Variants in STAU2 observed in about 807,000 individuals in gnomAD.
STAU2 encodes the protein double-stranded RNA-binding protein Staufen homolog 2.
STAU2 carries 20 observed loss-of-function variants against 65.9 expected under a neutral mutation model. That is an observed-to-expected ratio of 0.30 (90% CI 0.21 to 0.44). STAU2 has a LOEUF of 0.44. Among genes scored for constraint, STAU2 ranks in the 20% least tolerant of loss-of-function variants. The pLI is 1.00. For synonymous variants in STAU2, 232 were observed against 233.9 expected, an observed-to-expected ratio of 0.99 and a Z score of 0.07; for missense variants, 558 against 683.9, an observed-to-expected ratio of 0.82 and a Z score of 2.05.
At chr8:73,632,960 C>G (rs1164226195) in intron 6 of STAU2, among the ~76,000 whole-genome samples, 1 of 152,144 alleles carries the variant, frequency 6.6e-6, no homozygotes, top group African/African-American at 2.4e-5. Context: ...GTAAATGATA[C>G]GCATGCTATT....
chr8:73,622,420 T>C (rs1813334856), intron 6 of STAU2, among the ~76,000 whole-genome samples: 1 of 152,122 alleles, frequency 6.6e-6, no homozygotes, highest in African/African-American at 2.4e-5. Flanking sequence ...CCACCACGCC[T>C]GGCCAGGTCT....
chr8:73,728,948 C>T (rs1282636238), intron 3 of STAU2, among the ~76,000 whole-genome samples: 2 of 152,136 alleles, frequency 1.3e-5, no homozygotes, highest in Non-Finnish European at 2.9e-5. Flanking sequence ...CTATAACTTC[C>T]ACTACAACTT....
At chr8:73,639,231 T>C (rs1038947549) in intron 6 of STAU2, among the ~76,000 whole-genome samples, 1 of 152,106 alleles carries the variant, frequency 6.6e-6, no homozygotes, top group East Asian at 1.9e-4. Context: ...ACTTGAAAAT[T>C]TTCTTTAATA....
At chr8:73,640,437 G>T (rs1363104137) in intron 6 of STAU2, among the ~76,000 whole-genome samples, 1 of 152,028 alleles carries the variant, frequency 6.6e-6, no homozygotes, top group Non-Finnish European at 1.5e-5. Context: ...CAGACTAGAG[G>T]TCCACAAACG....
chr8:73,551,746 T>C (rs1807347550), intron 13 of STAU2: 2 of 1,112,182 alleles, frequency 1.8e-6, no homozygotes, highest in South Asian at 8.3e-5. Flanking sequence ...TAGAAGACAG[T>C]GAAGAATATG....
At chr8:73,489,432 T>C (rs182156058) in intron 13 of STAU2, among the ~76,000 whole-genome samples, 2 of 152,158 alleles carry the variant, frequency 1.3e-5, no homozygotes, top group Admixed American at 6.6e-5. Context: ...TAATCTAATG[T>C]ACCGTTGTCT....
chr8:73,528,129 A>C (rs1204437589), intron 13 of STAU2, among the ~76,000 whole-genome samples: 1 of 152,196 alleles, frequency 6.6e-6, no homozygotes, highest in Non-Finnish European at 1.5e-5. Flanking sequence ...CATAAGCGTA[A>C]GTCAAAGTTC....
intron 4 of STAU2, 71 bp downstream of exon 4, chr8:73,708,961 C>T (rs113515261): frequency 3.3e-5 from 45 of 1,383,784 alleles, no homozygotes; most frequent in African/African-American, 2.5e-4. Context: ...AAATAAAGCA[C>T]GATTAAAATC....
intron 6 of STAU2, among the ~76,000 whole-genome samples, chr8:73,629,251 T>C (rs1813913391): frequency 6.6e-6 from 1 of 152,204 alleles, no homozygotes; most frequent in Non-Finnish European, 1.5e-5. Context: ...ATAAAGCAAA[T>C]ATTTTCATAC....
chr8:73,646,938 GACACACACACACACAC>G (rs142043134), intron 6 of STAU2, among the ~76,000 whole-genome samples: 2 of 144,064 alleles, frequency 1.4e-5, no homozygotes, highest in South Asian at 2.3e-4. Context: ...CACACAGCCA[GACACACACACACACAC>G]ACACACACAC....
In STAU2 at chr8:73,465,069, T is replaced by C. The variant is rs141954242; in HGVS notation, c.1531-42367A>G. Among the ~76,000 whole-genome samples, 866 of 152,326 alleles carry C rather than the reference T, an allele frequency of 5.7e-3. 9 individuals are homozygous for C. The highest frequency in any genetic ancestry group is 8.1e-3 in the Non-Finnish European group (548 of 68,030). On this transcript the variant is annotated intron_variant, in intron 13 of 14. Coordinates refer to ENST00000524300, the MANE Select transcript of STAU2 (RefSeq NM_001164380.2). ...TGCTGAGAAAATACTTAATTTCGTT[T>C]TGAGTTTTTAGACAGTCTTGCTTAT...
rs940130131 is a variant in STAU2 at position 73,484,281 on chromosome 8, T to C, written c.1531-61579A>G. The stretch of plus-strand genomic sequence containing the variant: ...ATGGAAGAAGACAGTGTTCTGAGGC[T>C]GCTTCTAGAATTGCTACAGAGGATT... On this transcript the variant is annotated intron_variant, in intron 13 of 14. Transcript: ENST00000524300. 2.0e-5 allele frequency among the ~76,000 whole-genome samples: 3 copies of C among 152,186 alleles called. 1 individual carries two copies. In the South Asian group the frequency reaches 6.2e-4, roughly 31 times the overall value.
At chr8:73,696,046 C>A (rs1819677228) in intron 4 of STAU2, among the ~76,000 whole-genome samples, 1 of 152,190 alleles carries the variant, frequency 6.6e-6, no homozygotes, top group South Asian at 2.1e-4. Flanking sequence ...GAGGTGCCTG[C>A]ATCACCACAC....
At chr8:73,595,639 T>C (rs1811126810) in intron 10 of STAU2, among the ~76,000 whole-genome samples, 1 of 152,178 alleles carries the variant, frequency 6.6e-6, no homozygotes, top group African/African-American at 2.4e-5. Context: ...ATGTTGGTTA[T>C]GACTACATTT....
At chr8:73,579,053 G>A (rs1025669876) in intron 12 of STAU2, among the ~76,000 whole-genome samples, 1 of 122,810 alleles carries the variant, frequency 8.1e-6, no homozygotes, top group Non-Finnish European at 1.6e-5. Context: ...TGGGAAACCA[G>A]CAGGCAATCT....
At chr8:73,571,623 T>G (rs1809096322) in intron 12 of STAU2, among the ~76,000 whole-genome samples, 1 of 152,194 alleles carries the variant, frequency 6.6e-6, no homozygotes, top group Admixed American at 6.5e-5. Context: ...ACATGGAAAC[T>G]GAACAACCTG....
At chr8:73,583,806 T>G (rs1810170195) in intron 11 of STAU2, among the ~76,000 whole-genome samples, 1 of 152,232 alleles carries the variant, frequency 6.6e-6, no homozygotes, top group Non-Finnish European at 1.5e-5. Context: ...GTGTTTGGTA[T>G]AAAATACATT....
In STAU2 at chr8:73,615,656, A is replaced by T. The variant is rs748529227; in HGVS notation, c.678+19T>A. ...CCACAGCAAGGGAAAAAATGGGAAGATCTCTACCGAGTACATACCTCAAAA... is the reference window on the plus strand; with the variant it reads ...CCACAGCAAGGGAAAAAATGGGAAGTTCTCTACCGAGTACATACCTCAAAA... On this transcript the variant is annotated intron_variant, in intron 8 of 14. Transcript: ENST00000524300. 271 of 1,584,432 alleles carry T rather than the reference A, an allele frequency of 1.7e-4. 5 individuals carry two copies. Among genetic ancestry groups the T allele is most frequent in the South Asian group, 8.3e-4 (74 of 89,624 alleles).
intron 13 of STAU2, among the ~76,000 whole-genome samples, chr8:73,483,848 C>T (rs1820773379): frequency 6.6e-6 from 1 of 152,124 alleles, no homozygotes. Flanking sequence ...TGAGGCCATG[C>T]CTACATGCAT....
Sources: gnomAD v4.1 joint callset for allele counts (sites outside exome capture counted in the v4.1 genomes callset) on GRCh38, gnomAD v4.1.1 for gene constraint, MANE v1.5 for transcripts, NCBI Gene and HGNC (gene_info 2026-07-23, HGNC 2026-07-21) for gene names.